SCNN1G: variants seen among roughly 807,000 people sequenced by gnomAD.
SCNN1G encodes sodium channel epithelial 1 subunit gamma, also known as epithelial sodium channel subunit gamma.
SCNN1G carries 27 observed loss-of-function variants against 64.6 expected under a neutral mutation model. The observed-to-expected ratio is 0.42, with a 90% CI of 0.31 to 0.58. The LOEUF is 0.58. Among genes scored for constraint, SCNN1G ranks in the 20% least tolerant of loss-of-function variants. SCNN1G has a pLI of 0.18. For missense variants in SCNN1G, 743 were observed against 823.4 expected, an observed-to-expected ratio of 0.90 and a Z score of 1.19; for synonymous variants, 330 against 314.2, an observed-to-expected ratio of 1.05 and a Z score of -0.53.
chr16:23,212,654 G>T (rs767754515), intron 8 of SCNN1G, 24 bp from the exon 9 acceptor site: 4 of 1,598,970 alleles, frequency 2.5e-6, no homozygotes, highest in Middle Eastern at 1.7e-4. Context: ...CAAAGCTCAT[G>T]CTGCCCTCTC....
chr16:23,215,345 T>C lies in SCNN1G; in HGVS notation c.1826T>C (p.Leu609Ser), dbSNP rs1960143366. 6.2e-7 allele frequency: 1 copy of C among 1,614,044 alleles called. No homozygotes were observed. Among genetic ancestry groups the C allele is most frequent in the Non-Finnish European group, 8.5e-7 (1 of 1,180,034 alleles). ...GACCTACCCACTTTCAACTCTGCTT[T>C]GCACCTGCCTCCAGCCCTAGGAACC... The part of the protein sequence containing the change: ...DDDLPTFNSA[L>S]HLPPALGTQV... Residue 609 changes from leucine (L) to serine (S), a missense_variant, in exon 13 of 13, where the codon TTG becomes TCG. Coordinates refer to ENST00000300061, the MANE Select transcript of SCNN1G (RefSeq NM_001039.4).
chr16:23,200,354 C>T (rs1017589103), intron 6 of SCNN1G, among the ~76,000 whole-genome samples: 1 of 152,158 alleles, frequency 6.6e-6, no homozygotes, highest in South Asian at 2.1e-4. Context: ...ACAATCATAG[C>T]TCACTGGAGC....
chr16:23,204,157 T>C (rs1959938306), intron 6 of SCNN1G, among the ~76,000 whole-genome samples: 1 of 150,730 alleles, frequency 6.6e-6, no homozygotes, highest in Non-Finnish European at 1.5e-5. Context: ...CACACACCTG[T>C]AGTCCCAGCT....
chr16:23,197,587 T>C (rs1326260260), intron 6 of SCNN1G, among the ~76,000 whole-genome samples, 160 bp downstream of exon 6: 1 of 152,108 alleles, frequency 6.6e-6, no homozygotes, highest in East Asian at 1.9e-4. Context: ...AGGAGTTACA[T>C]TAAAGGTTGT....
chr16:23,189,807 C>A, intron 3 of SCNN1G, 136 bp downstream of exon 3: 1 of 931,230 alleles, frequency 1.1e-6, no homozygotes, highest in Non-Finnish European at 1.7e-6. Flanking sequence ...CACAGTGACT[C>A]ATGCTTGTAA....
In SCNN1G at chr16:23,209,798, G is replaced by C; in HGVS notation, c.1126G>C (p.Gly376Arg). Residue 376 changes from glycine to arginine, a missense_variant, in exon 7 of 13, where the codon GGG (glycine) becomes CGG (arginine). Physicochemically the swap from Gly to Arg is moderately radical, Grantham distance 125. Coordinates refer to ENST00000300061, the MANE Select transcript of SCNN1G (RefSeq NM_001039.4). ...SEPYSQCTED[G>R]SDVPIRNIYN... ...GCCCTACAGTCAGTGCACGGAGGAC[G>C]GGAGTGACGTGCCAATCAGGAACAT... 6.2e-7 allele frequency: 1 copy of C among 1,614,090 alleles called. No homozygotes were observed. Among genetic ancestry groups the C allele is most frequent in the Non-Finnish European group, 8.5e-7 (1 of 1,179,950 alleles).
At chr16:23,206,176 G>A (rs2141940990) in intron 6 of SCNN1G, among the ~76,000 whole-genome samples, 1 of 152,222 alleles carries the variant, frequency 6.6e-6, no homozygotes, top group South Asian at 2.1e-4. Flanking sequence ...TTTCTGAGAA[G>A]GTGACTTGGG....
rs781378962 is a variant in SCNN1G at position 23,212,134 on chromosome 16, A to G, written c.1277A>G (p.Gln426Arg). The change falls in exon 8 of 13, where the codon CAG becomes CGG. Residue 426 changes from glutamine to arginine, a missense_variant. Transcript: ENST00000300061. ...LPPAANYCNY[Q>R]QHPNWMYCYY... ...CCTGCAGCCAACTACTGCAACTACCAGCAGCACCCCAACTGGAGTGAGTGA... is the reference window on the plus strand; with the variant it reads ...CCTGCAGCCAACTACTGCAACTACCGGCAGCACCCCAACTGGAGTGAGTGA... 51 of 1,611,914 alleles carry G rather than the reference A, an allele frequency of 3.2e-5. No individual in the cohort carries two copies. The highest frequency in any genetic ancestry group is 4.2e-5 in the Non-Finnish European group (49 of 1,178,206).
chr16:23,212,862 A>G lies in SCNN1G; in HGVS notation c.1399A>G (p.Ser467Gly). ...CTTTAAAGAGTGGACACTAACCACA[A>G]GCCTGGCACAATGGCCATCTGTGGT... Reference protein sequence around the residue: ...CSFKEWTLTTSLAQWPSVVSE... With the variant: ...CSFKEWTLTTGLAQWPSVVSE... Residue 467 changes from serine (S) to glycine (G), a missense_variant, in exon 10 of 13, where the codon AGC becomes GGC. By Grantham distance (56) the Ser-to-Gly change is moderately conservative. Transcript: ENST00000300061. 6.2e-7 allele frequency: 1 copy of G among 1,614,212 alleles called. No individual in the cohort carries two copies. The highest frequency in any genetic ancestry group is 1.1e-5 in the South Asian group (1 of 91,086).
intron 7 of SCNN1G, among the ~76,000 whole-genome samples, chr16:23,211,739 G>A (rs770627429): frequency 1.1e-4 from 17 of 152,202 alleles, no homozygotes; most frequent in Non-Finnish European, 2.2e-4. Flanking sequence ...TTGAGCCCAG[G>A]AGGCAGAGGT....
At chr16:23,197,556 C>T in intron 6 of SCNN1G, 129 bp downstream of exon 6, 1 of 829,032 alleles carries the variant, frequency 1.2e-6, no homozygotes, top group Non-Finnish European at 2.0e-6. Context: ...CAGATTTTCC[C>T]ATGGTTATCC....
Position 23,209,868 on chromosome 16 carries a change from ACCC to A in SCNN1G, c.1176+21_1176+23del. The stretch of plus-strand genomic sequence containing the variant: ...CTCCAGGTAACAGATTGGCAGGGGC[ACCC>A]AGCCCTGGGTTTATGGCCCGGACCC... On this transcript the variant is annotated intron_variant, in intron 7 of 12. Coordinates refer to ENST00000300061, the MANE Select transcript of SCNN1G (RefSeq NM_001039.4). 6.4e-7 allele frequency: 1 copy of A among 1,570,994 alleles called. No homozygotes were observed. Among genetic ancestry groups the A allele is most frequent in the Non-Finnish European group, 8.8e-7 (1 of 1,140,590 alleles).
At chr16:23,193,800 C>T (rs1220161264) in intron 4 of SCNN1G, among the ~76,000 whole-genome samples, 2 of 150,714 alleles carry the variant, frequency 1.3e-5, no homozygotes, top group South Asian at 2.1e-4. Context: ...TGTAAGGGCA[C>T]AGATGATGCC....
chr16:23,187,995 CTTCT>C (rs1403858481), intron 2 of SCNN1G, among the ~76,000 whole-genome samples: 1 of 152,168 alleles, frequency 6.6e-6, no homozygotes, highest in African/African-American at 2.4e-5. Flanking sequence ...ATGTCTTCCT[CTTCT>C]TTCTTTCTCC....
At chr16:23,190,105 A>G (rs1356551024) in intron 3 of SCNN1G, among the ~76,000 whole-genome samples, 1 of 151,838 alleles carries the variant, frequency 6.6e-6, no homozygotes. Context: ...AAACGGAGGG[A>G]GAGCATTAGG....
chr16:23,192,148 T>C (rs1168383891), intron 3 of SCNN1G, among the ~76,000 whole-genome samples: 3 of 152,200 alleles, frequency 2.0e-5, no homozygotes, highest in Non-Finnish European at 4.4e-5. Flanking sequence ...GTGTCCTTTC[T>C]CACTCAGCCC....
intron 3 of SCNN1G, among the ~76,000 whole-genome samples, chr16:23,190,271 AAGAG>A (rs1401223897): frequency 2.0e-5 from 3 of 151,694 alleles, no homozygotes; most frequent in Non-Finnish European, 2.9e-5. Flanking sequence ...AAAAGAAAGA[AAGAG>A]AGAAAGAAAG....
Position 23,215,570 on chromosome 16 carries a change from C to T in SCNN1G, c.*101C>T. The T allele has an allele frequency of 7.0e-7, 1 of 1,424,184 alleles. No individual in the cohort carries two copies. The highest frequency in any genetic ancestry group is 9.8e-7 in the Non-Finnish European group (1 of 1,024,236). The allele number at this position is 1,424,184 out of a possible 1,614,324, so 88.2% of individuals were successfully genotyped here. On this transcript the variant is annotated 3_prime_UTR_variant, in exon 13 of 13. Transcript: ENST00000300061. ...TGTGCACAGGGGACCCTCTGCCCCA[C>T]TCTGGGCTTTTCAGATACTCTGACC... is the stretch of plus-strand genomic sequence containing the variant.
At chr16:23,203,416 G>A (rs999152901) in intron 6 of SCNN1G, among the ~76,000 whole-genome samples, 1 of 152,122 alleles carries the variant, frequency 6.6e-6, no homozygotes, top group East Asian at 1.9e-4. Flanking sequence ...TGTACATTTT[G>A]ATTCTAAAGC....
Sources: allele counts gnomAD v4.1 joint callset (sites outside exome capture counted in the v4.1 genomes callset), GRCh38; gene constraint gnomAD v4.1.1; transcripts MANE v1.5; gene names NCBI Gene and HGNC (gene_info 2026-07-23, HGNC 2026-07-21).